Variants in PDE4B observed in about 807,000 individuals in gnomAD.
The protein encoded by PDE4B is phosphodiesterase 4B.
In PDE4B, 20 loss-of-function variants were observed where a neutral mutation model predicts 82.2. That is an observed-to-expected ratio of 0.24 (90% CI 0.17 to 0.35). The LOEUF (loss-of-function observed/expected upper bound fraction) is 0.35, where lower values mean the gene tolerates loss of function less well. Among genes scored for constraint, PDE4B ranks in the 10% least tolerant of loss-of-function variants. The pLI is 1.00. For synonymous variants in PDE4B, 320 were observed against 318.9 expected (o/e 1.00, Z -0.04); for missense variants, 655 against 907.2 (o/e 0.72, Z 3.57).
At chr1:66,260,002 CA>C in intron 6 of PDE4B, among the ~76,000 whole-genome samples, 1 of 152,224 alleles carries the variant, frequency 6.6e-6, no homozygotes, top group Non-Finnish European at 1.5e-5. Context: ...TTGATATTTG[CA>C]AAGCACTTAA....
intron 7 of PDE4B, among the ~76,000 whole-genome samples, chr1:66,291,189 C>G (rs185095075): frequency 3.4e-4 from 52 of 152,222 alleles, no homozygotes; most frequent in African/African-American, 1.3e-3. Context: ...TAGTATTTCC[C>G]TTCATCTTTA....
intron 7 of PDE4B, among the ~76,000 whole-genome samples, chr1:66,283,366 T>A (rs752106868): frequency 1.1e-4 from 17 of 151,806 alleles, no homozygotes; most frequent in Non-Finnish European, 1.9e-4. Flanking sequence ...TATATATATG[T>A]GTATATATGT....
intron 3 of PDE4B, among the ~76,000 whole-genome samples, chr1:66,094,879 A>G (rs1645086209): frequency 6.6e-6 from 1 of 151,940 alleles, no homozygotes; most frequent in Non-Finnish European, 1.5e-5. Context: ...ACTGAGGAAT[A>G]TAGGGGTTAA....
chr1:66,236,884 T>C (rs780353362), intron 3 of PDE4B, among the ~76,000 whole-genome samples: 1 of 152,224 alleles, frequency 6.6e-6, no homozygotes, highest in African/African-American at 2.4e-5. Context: ...TACCATTTAA[T>C]AGCTAAGTGG....
chr1:66,183,934 A>G (rs1235290233), intron 3 of PDE4B, among the ~76,000 whole-genome samples: 1 of 152,194 alleles, frequency 6.6e-6, no homozygotes, highest in East Asian at 1.9e-4. Context: ...TTTCAGAGCA[A>G]TATTCAAAGA....
chr1:65,827,755 C>T (rs1646036273), intron 1 of PDE4B, among the ~76,000 whole-genome samples: 2 of 152,084 alleles, frequency 1.3e-5, no homozygotes, highest in South Asian at 4.2e-4. Flanking sequence ...CTGAGAATTT[C>T]CCAAAATTTG....
At chr1:66,177,890 T>C (rs1043652229) in intron 3 of PDE4B, among the ~76,000 whole-genome samples, 3 of 152,148 alleles carry the variant, frequency 2.0e-5, no homozygotes, top group African/African-American at 7.2e-5. Flanking sequence ...GGCATTGTTT[T>C]TTTTAGTAAA....
At position 65,991,398 on chromosome 1, in the gene PDE4B, G is replaced by A. The variant is rs144777875; in HGVS notation, c.281+72563G>A. ...GCTCAGCCCAAATGATTTTATAAGCGTAGAAGACATCTCTCACATCTTAGT... is the reference window on the plus strand; with the variant it reads ...GCTCAGCCCAAATGATTTTATAAGCATAGAAGACATCTCTCACATCTTAGT... On this transcript the variant is annotated intron_variant, in intron 3 of 16. Transcript: ENST00000341517. 5.6e-3 allele frequency among the ~76,000 whole-genome samples: 856 copies of A among 152,068 alleles called. 4 individuals are homozygous for A. The highest frequency in any genetic ancestry group is 0.019 in the African/African-American group (781 of 41,466).
chr1:65,981,690 G>A (rs1650697172), intron 3 of PDE4B, among the ~76,000 whole-genome samples: 1 of 152,048 alleles, frequency 6.6e-6, no homozygotes, highest in Non-Finnish European at 1.5e-5. Flanking sequence ...TCCGTAAAGT[G>A]TAGATTATAC....
In PDE4B at chr1:66,148,126, C is replaced by A. The variant is rs541512516; in HGVS notation, c.282-99334C>A. Among the ~76,000 whole-genome samples the A allele has an allele frequency of 4.9e-4, 75 of 152,096 alleles. No individual in the cohort carries two copies. The South Asian group carries it at 0.015, about 30-fold the overall frequency. On this transcript the variant is annotated intron_variant, in intron 3 of 16. Coordinates refer to ENST00000341517, the MANE Select transcript of PDE4B (RefSeq NM_002600.4). ...GTGTACTAAAAATACAAAACTTAGC[C>A]GAGCTTGGTGGTGAGTACCTGTAAT...
At chr1:65,813,609 G>A (rs1269946981) in intron 1 of PDE4B, among the ~76,000 whole-genome samples, 2 of 152,186 alleles carry the variant, frequency 1.3e-5, no homozygotes, top group Non-Finnish European at 2.9e-5. Flanking sequence ...GTGTGCCAGT[G>A]TAGTTTTTCT....
At chr1:65,997,538 T>A (rs1651620504) in intron 3 of PDE4B, among the ~76,000 whole-genome samples, 2 of 152,206 alleles carry the variant, frequency 1.3e-5, no homozygotes, top group South Asian at 4.2e-4. Context: ...GCTTGCTGTA[T>A]TATACAACTT....
chr1:66,333,170 T>C (rs944315202), intron 8 of PDE4B, among the ~76,000 whole-genome samples: 2 of 152,216 alleles, frequency 1.3e-5, no homozygotes. Flanking sequence ...AGAAACAATA[T>C]GCTTTGTCTC....
intron 3 of PDE4B, among the ~76,000 whole-genome samples, chr1:66,170,978 T>C (rs1306145858): frequency 6.6e-6 from 1 of 152,204 alleles, no homozygotes; most frequent in Admixed American, 6.5e-5. Context: ...CAAGGCTTTT[T>C]GGAGAGCAGA....
Position 65,976,152 on chromosome 1 carries a change from G to T in PDE4B, c.281+57317G>T, listed in dbSNP as rs186447216. Among the ~76,000 whole-genome samples the T allele has an allele frequency of 7.2e-4, 110 of 152,320 alleles. 1 individual carries two copies. The highest frequency in any genetic ancestry group is 6.8e-3 in the Middle Eastern group (2 of 294). On this transcript the variant is annotated intron_variant, in intron 3 of 16. Transcript: ENST00000341517. ...GGCTGTATGCAGTAAAGCCACAGTG[G>T]CAGAGCTGCCCAAGGCCTTGGGAGC...
chr1:66,253,889 T>C (rs1290217352), intron 4 of PDE4B, among the ~76,000 whole-genome samples: 2 of 152,214 alleles, frequency 1.3e-5, no homozygotes, highest in Non-Finnish European at 2.9e-5. Flanking sequence ...CTTCTGAATG[T>C]TCTGTTCTCC....
chr1:65,802,493 G>A (rs1418183426), intron 1 of PDE4B, among the ~76,000 whole-genome samples: 1 of 152,098 alleles, frequency 6.6e-6, no homozygotes, highest in Non-Finnish European at 1.5e-5. Context: ...TATGTCAATG[G>A]CCATACCTAA....
At chr1:66,052,776 A>G (rs1402772965) in intron 3 of PDE4B, among the ~76,000 whole-genome samples, 1 of 152,158 alleles carries the variant, frequency 6.6e-6, no homozygotes, top group East Asian at 1.9e-4. Context: ...TTATCAAATT[A>G]GAGGGTGTTT....
chr1:65,845,990 T>G (rs1341697133), intron 1 of PDE4B, among the ~76,000 whole-genome samples: 1 of 152,168 alleles, frequency 6.6e-6, no homozygotes, highest in Non-Finnish European at 1.5e-5. Context: ...GCTGGCCGCC[T>G]CCTCCGTGGG....
Sources: allele counts gnomAD v4.1 joint callset (sites outside exome capture counted in the v4.1 genomes callset), GRCh38; gene constraint gnomAD v4.1.1; transcripts MANE v1.5; gene names NCBI Gene and HGNC (gene_info 2026-07-23, HGNC 2026-07-21).